PRH1: variants seen among roughly 807,000 people sequenced by gnomAD.
PRH1 encodes proline rich protein HaeIII subfamily 1.
Under a neutral mutation model 7.9 loss-of-function variants are expected in PRH1, and 7 were observed. The observed-to-expected ratio is 0.89, with a 90% confidence interval of 0.50 to 1.67. The LOEUF (loss-of-function observed/expected upper bound fraction) is 1.67, where lower values mean the gene tolerates loss of function less well. Ranked by LOEUF, PRH1 falls within the 40% of genes most tolerant of loss-of-function variation. The probability of loss-of-function intolerance (pLI) is 0.00; values close to 1 mark genes in which losing one functional copy is unlikely to be tolerated. For missense variants in PRH1, 109 were observed against 223.6 expected (o/e 0.49, Z 3.27); for synonymous variants, 45 against 80.8 (o/e 0.56, Z 2.38).
downstream of PRH1, among the ~76,000 whole-genome samples, chr12:11,115,958 A>G (rs1172977059): frequency 1.3e-5 from 2 of 152,078 alleles, no homozygotes; most frequent in African/African-American, 4.8e-5. Flanking sequence ...AAAACTTGAA[A>G]TAAACAACCT....
chr12:10,939,871 T>C (rs1163834562), intron 2 of PRH1, among the ~76,000 whole-genome samples: 1 of 152,202 alleles, frequency 6.6e-6, no homozygotes, highest in African/African-American at 2.4e-5. Context: ...AAAATATTTG[T>C]TACCTGTTAT....
At chr12:11,094,299 CAAAAAAAA>C (rs34742610) in intron 1 of PRH1, among the ~76,000 whole-genome samples, 14 of 27,024 alleles carry the variant, frequency 5.2e-4, no homozygotes, top group African/African-American at 1.9e-3. Flanking sequence ...AAGACTCTGT[CAAAAAAAA>C]AAAAAAAAAA....
At chr12:11,151,852 T>A (rs1407584941) in intron 1 of PRH1, among the ~76,000 whole-genome samples, 1 of 152,056 alleles carries the variant, frequency 6.6e-6, no homozygotes, top group Non-Finnish European at 1.5e-5. Flanking sequence ...CCCTCTTAAA[T>A]CTATTAGTGA....
In PRH1 at chr12:11,089,968, C is replaced by T. The variant is rs944984196; in HGVS notation, n.124-42780G>A. 8.6e-5 allele frequency among the ~76,000 whole-genome samples: 10 copies of T among 116,440 alleles called. 3 individuals are homozygous for T. The highest frequency in any genetic ancestry group is 1.8e-4 in the Non-Finnish European group (9 of 49,170). 76.4% of individuals were successfully genotyped at this position (116,440 alleles called of 152,430 possible). A position where few individuals can be genotyped will look rare whatever the true frequency, so the allele number is the denominator to read the frequency against. ...TAAGCCTGTAATCTTAACCTGAGAC[C>T]GGAACAGGGGAATTCATGCAACTGC... On this transcript the variant is annotated intron_variant and non_coding_transcript_variant, in intron 1 of 4. Transcript: ENST00000541977.
At chr12:10,939,306 T>C (rs112817121) in intron 2 of PRH1, 2 of 691,310 alleles carry the variant, frequency 2.9e-6, no homozygotes, top group African/African-American at 3.7e-5. Flanking sequence ...GAAAATTCAA[T>C]AATATATTCC....
chr12:11,014,281 C>A (rs1045471874), intron 1 of PRH1, among the ~76,000 whole-genome samples: 2 of 152,096 alleles, frequency 1.3e-5, no homozygotes, highest in African/African-American at 4.8e-5. Context: ...CAAAAGAGAA[C>A]TAGCAAAGGA....
intron 2 of PRH1, chr12:10,964,946 G>C (rs889209622): frequency 3.9e-5 from 24 of 609,742 alleles, no homozygotes; most frequent in Non-Finnish European, 6.5e-5. Flanking sequence ...AAATAACAAA[G>C]ACCCCAATAG....
rs1395574749 is a variant in PRH1, at chr12:11,087,676, T to G, written n.124-40488A>C. 4.3e-5 allele frequency among the ~76,000 whole-genome samples: 5 copies of G among 117,292 alleles called. 1 individual carries two copies. The highest frequency in any genetic ancestry group is 1.4e-4 in the African/African-American group (5 of 35,086). The allele number at this position is 117,292 out of a possible 152,430, so 76.9% of individuals were successfully genotyped here. A position where few individuals can be genotyped will look rare whatever the true frequency, so the allele number is the denominator to read the frequency against. Reference sequence around the variant, plus strand: ...TAAGGAATGGAACTGGTCACTGCCATGACAAAACACTTGCAAGTTACAGGG... The same window carrying G: ...TAAGGAATGGAACTGGTCACTGCCAGGACAAAACACTTGCAAGTTACAGGG... On this transcript the variant is annotated intron_variant and non_coding_transcript_variant, in intron 1 of 4. Coordinates refer to the PRH1 transcript ENST00000541977.
chr12:10,975,624 G>T (rs1220750017), intron 1 of PRH1, among the ~76,000 whole-genome samples: 5 of 152,072 alleles, frequency 3.3e-5, no homozygotes, highest in African/African-American at 1.2e-4. Flanking sequence ...AGCAAAGAGT[G>T]GCAGGTTGGA....
upstream of PRH1, among the ~76,000 whole-genome samples, chr12:10,886,333 A>G (rs1354827988): frequency 6.6e-6 from 1 of 152,204 alleles, no homozygotes; most frequent in Non-Finnish European, 1.5e-5. Flanking sequence ...GGACTGAGGA[A>G]GCTGCAGGCC....
At chr12:10,925,210 T>A (rs563928893) in intron 2 of PRH1, among the ~76,000 whole-genome samples, 2 of 152,324 alleles carry the variant, frequency 1.3e-5, no homozygotes, top group African/African-American at 4.8e-5. Context: ...TTAATTTTCT[T>A]GGTCATGAGA....
At chr12:11,156,414 G>T (rs1321167751) in intron 1 of PRH1, among the ~76,000 whole-genome samples, 1 of 152,066 alleles carries the variant, frequency 6.6e-6, no homozygotes, top group East Asian at 1.9e-4. Flanking sequence ...TTTTGGAAAG[G>T]TCTCAGCAAC....
chr12:11,010,662 T>C (rs935884125), intron 1 of PRH1, among the ~76,000 whole-genome samples: 4 of 151,942 alleles, frequency 2.6e-5, no homozygotes, highest in Non-Finnish European at 5.9e-5. Context: ...AAATTTCTAT[T>C]GTGTCATATC....
chr12:10,989,626 C>G (rs540908855), intron 1 of PRH1, among the ~76,000 whole-genome samples: 2 of 152,288 alleles, frequency 1.3e-5, no homozygotes, highest in South Asian at 2.1e-4. Flanking sequence ...GACACCACCA[C>G]TTTATACAGT....
In PRH1 at chr12:11,091,650, A is replaced by G. The variant is rs1565645670; in HGVS notation, n.124-44462T>C. ...AAAGAACAGATTAACAGCATAAAAG[A>G]TAGTAGGGTCAGAGTGAAGGGTACT... On this transcript the variant is annotated intron_variant and non_coding_transcript_variant, in intron 1 of 4. Transcript: ENST00000541977. 3 of 1,244,492 alleles carry G rather than the reference A, an allele frequency of 2.4e-6. 1 individual carries two copies. Among genetic ancestry groups the G allele is most frequent in the Non-Finnish European group, 3.4e-6 (3 of 877,722 alleles). The allele number at this position is 1,244,492 out of a possible 1,614,324, so 77.1% of individuals were successfully genotyped here. A position where few individuals can be genotyped will look rare whatever the true frequency, so the allele number is the denominator to read the frequency against.
intron 1 of PRH1, among the ~76,000 whole-genome samples, chr12:11,152,761 T>C (rs1947137998): frequency 6.6e-6 from 1 of 152,204 alleles, no homozygotes; most frequent in Non-Finnish European, 1.5e-5. Context: ...TGAATTGCTT[T>C]AGAATATTAG....
At chr12:11,000,542 T>C (rs529139327) in intron 1 of PRH1, among the ~76,000 whole-genome samples, 1 of 152,248 alleles carries the variant, frequency 6.6e-6, no homozygotes, top group South Asian at 2.1e-4. Flanking sequence ...TGACATTTTA[T>C]GTTAATTTGT....
rs1408428629 is a variant in PRH1, at chr12:11,046,684, C to T, written c.-126+336G>A. 2.6e-5 allele frequency among the ~76,000 whole-genome samples: 4 copies of T among 152,104 alleles called. No individual in the cohort carries two copies. The East Asian group carries it at 7.7e-4, about 29-fold the overall frequency. ...ATGGCTGTTTTTTTAAATATTTTAT[C>T]CAGAATTTATAAAAAGTATCTGTGG... On this transcript the variant is annotated intron_variant, in intron 1 of 3. Coordinates refer to the PRH1 transcript ENST00000539853.
intron 1 of PRH1, among the ~76,000 whole-genome samples, chr12:11,140,452 C>T (rs761305790): frequency 1.3e-5 from 2 of 152,056 alleles, no homozygotes; most frequent in Admixed American, 1.3e-4. Context: ...AAGGTCCTGA[C>T]CTTAACTTCT....
Sources: gnomAD v4.1 joint callset for allele counts (sites outside exome capture counted in the v4.1 genomes callset) on GRCh38, gnomAD v4.1.1 for gene constraint, MANE v1.5 for transcripts, NCBI Gene and HGNC (gene_info 2026-07-23, HGNC 2026-07-21) for gene names.